The following TENM3 variants were observed in gnomAD, a reference collection of about 807,000 sequenced individuals.
TENM3 encodes teneurin-3.
Under a neutral mutation model 255.1 loss-of-function variants are expected in TENM3, and 63 were observed. The observed-to-expected ratio is 0.25, with a 90% CI of 0.20 to 0.30. The LOEUF is 0.30. Among genes scored for constraint, TENM3 ranks in the 10% least tolerant of loss-of-function variants. The pLI is 1.00. For synonymous variants in TENM3, 1,306 were observed against 1,322.3 expected (o/e 0.99, Z 0.27); for missense variants, 2,929 against 3,461.1 (o/e 0.85, Z 3.86).
chr4:181,921,369 T>C, the TENM3 span, among the ~76,000 whole-genome samples: 1 of 152,240 alleles, frequency 6.6e-6, no homozygotes, highest in Non-Finnish European at 1.5e-5. Flanking sequence ...CCCATGAGCA[T>C]GGAATGTCCT....
chr4:182,147,432 A>C (rs951999142), intron 1 of TENM3, among the ~76,000 whole-genome samples: 1 of 152,222 alleles, frequency 6.6e-6, no homozygotes. Flanking sequence ...TGGTTATTTA[A>C]ATAAATGCAT....
the TENM3 span, among the ~76,000 whole-genome samples, chr4:182,085,988 G>T: frequency 2.0e-5 from 3 of 152,132 alleles, no homozygotes; most frequent in Non-Finnish European, 4.4e-5. Flanking sequence ...TATAAGTTGT[G>T]ATTTAAATAA....
intron 1 of TENM3, among the ~76,000 whole-genome samples, chr4:182,274,946 T>TC (rs1759894059): frequency 1.3e-5 from 2 of 152,208 alleles, no homozygotes; most frequent in East Asian, 3.9e-4. Context: ...CACCTCGGCC[T>TC]CCCGCATAGT....
chr4:182,341,889 C>T (rs899782463), intron 2 of TENM3, among the ~76,000 whole-genome samples: 1 of 152,086 alleles, frequency 6.6e-6, no homozygotes, highest in African/African-American at 2.4e-5. Context: ...TCTTGTTTGC[C>T]CTCTAAATTT....
intron 2 of TENM3, among the ~76,000 whole-genome samples, chr4:182,329,380 C>G (rs80173494): frequency 6.6e-6 from 1 of 152,176 alleles, no homozygotes; most frequent in Non-Finnish European, 1.5e-5. Flanking sequence ...TTCCTTGGCC[C>G]CTCAGGAGCT....
chr4:181,448,154 A>ATTTTTTTTTTTTTT, the TENM3 span, among the ~76,000 whole-genome samples: 2 of 90,122 alleles, frequency 2.2e-5, no homozygotes, highest in Admixed American at 1.2e-4. Context: ...AAATCCAGTA[A>ATTTTTTTTTTTTTT]TTTTTTTTTT....
At chr4:182,016,177 T>A in the TENM3 span, among the ~76,000 whole-genome samples, 2 of 152,274 alleles carry the variant, frequency 1.3e-5, no homozygotes, top group South Asian at 4.1e-4. Flanking sequence ...TGAGATGGTG[T>A]CTGGAAATGT....
At chr4:182,584,890 C>A (rs1247988781) in intron 3 of TENM3, among the ~76,000 whole-genome samples, 1 of 152,102 alleles carries the variant, frequency 6.6e-6, no homozygotes, top group African/African-American at 2.4e-5. Flanking sequence ...AATCCACCCA[C>A]CTCGGCCTCC....
the TENM3 span, among the ~76,000 whole-genome samples, chr4:181,844,848 T>A: frequency 8.5e-5 from 13 of 152,158 alleles, no homozygotes; most frequent in African/African-American, 3.1e-4. Flanking sequence ...TAAAAACGCA[T>A]TTAAATGGTC....
intron 3 of TENM3, among the ~76,000 whole-genome samples, chr4:182,487,556 G>A (rs1197621140): frequency 6.6e-6 from 1 of 151,924 alleles, no homozygotes; most frequent in East Asian, 1.9e-4. Flanking sequence ...AATTTTGATG[G>A]GCCAGTGCAG....
chr4:181,528,576 TA>T, the TENM3 span, among the ~76,000 whole-genome samples: 1 of 152,258 alleles, frequency 6.6e-6, no homozygotes, highest in African/African-American at 2.4e-5. Context: ...TGAAGTGCTT[TA>T]TGGGCATTAA....
At chr4:181,614,775 G>C in the TENM3 span, among the ~76,000 whole-genome samples, 1 of 152,208 alleles carries the variant, frequency 6.6e-6, no homozygotes, top group African/African-American at 2.4e-5. Context: ...CTAGATGTCT[G>C]CATAGCCCAG....
chr4:182,733,947 A>G (rs11941054), intron 16 of TENM3, among the ~76,000 whole-genome samples: 32 of 152,306 alleles, frequency 2.1e-4, no homozygotes, highest in African/African-American at 6.0e-4. Context: ...CAACAATTCC[A>G]TGAATACATG....
chr4:182,124,948 T>G, the TENM3 span, among the ~76,000 whole-genome samples: 5 of 145,664 alleles, frequency 3.4e-5, no homozygotes, highest in Admixed American at 2.0e-4. Context: ...TACTCGCCCC[T>G]GCTGGGATGG....
intron 19 of TENM3, among the ~76,000 whole-genome samples, chr4:182,746,443 C>A (rs1016288628): frequency 6.6e-6 from 1 of 152,134 alleles, no homozygotes; most frequent in East Asian, 1.9e-4. Context: ...AAGACATGTT[C>A]TGAGAGTAAT....
At chr4:182,013,966 ACG>A in the TENM3 span, among the ~76,000 whole-genome samples, 23 of 112,680 alleles carry the variant, frequency 2.0e-4, no homozygotes, top group Admixed American at 1.5e-3. Flanking sequence ...ACACATATAT[ACG>A]TATATATACG....
At chr4:182,250,711 T>C (rs1269935410) in intron 1 of TENM3, among the ~76,000 whole-genome samples, 1 of 152,246 alleles carries the variant, frequency 6.6e-6, no homozygotes, top group African/African-American at 2.4e-5. Context: ...AATTAGTCAT[T>C]CTGGCTAACC....
chr4:181,597,287 A>G, the TENM3 span, among the ~76,000 whole-genome samples: 1 of 152,212 alleles, frequency 6.6e-6, no homozygotes, highest in Admixed American at 6.5e-5. Flanking sequence ...ACTTAACTCT[A>G]AATCAAATTT....
chr4:182,650,610 G>GTC lies in TENM3; in HGVS notation c.989-3150_989-3149dup, dbSNP rs775475160. 7.5e-5 allele frequency among the ~76,000 whole-genome samples: 11 copies of GTC among 147,616 alleles called. 1 individual carries two copies. Among genetic ancestry groups the GTC allele is most frequent in the East Asian group, 6.3e-4 (3 of 4,800 alleles). ...CTCTCTCCTTTCTCTCCTTCTTCTC[G>GTC]TCTCTCTCTCTCCTCTCTCTAACTT... On this transcript the variant is annotated intron_variant, in intron 5 of 27. Transcript: ENST00000511685.
Sources: gnomAD v4.1 joint callset for allele counts (sites outside exome capture counted in the v4.1 genomes callset) on GRCh38, gnomAD v4.1.1 for gene constraint, MANE v1.5 for transcripts, NCBI Gene and HGNC (gene_info 2026-07-23, HGNC 2026-07-21) for gene names.